APP: variants seen among roughly 807,000 people sequenced by gnomAD.
APP encodes amyloid beta precursor protein.
APP carries 31 observed loss-of-function variants against 101.4 expected under a neutral mutation model. That is an observed-to-expected ratio of 0.31 (90% CI 0.23 to 0.41). The LOEUF (loss-of-function observed/expected upper bound fraction) is 0.41. Among genes scored for constraint, APP ranks in the 10% least tolerant of loss-of-function variants. APP has a pLI of 1.00. For synonymous variants in APP, 366 were observed against 364.4 expected, an observed-to-expected ratio of 1.00 and a Z score of -0.05; for missense variants, 839 against 1,003.7, an observed-to-expected ratio of 0.84 and a Z score of 2.22.
chr21:25,999,861 G>A (rs2043211692), intron 7 of APP, among the ~76,000 whole-genome samples, 154 bp downstream of exon 7: 1 of 152,158 alleles, frequency 6.6e-6, no homozygotes, highest in African/African-American at 2.4e-5. Flanking sequence ...AACATACTGC[G>A]GAGACTCTGA....
intron 9 of APP, 56 bp from the exon 10 acceptor site, chr21:25,976,084 G>A: frequency 7.3e-7 from 1 of 1,365,288 alleles, no homozygotes; most frequent in Admixed American, 1.7e-5. Flanking sequence ...TTTGAATACA[G>A]ACTTAATAGG....
intron 17 of APP, among the ~76,000 whole-genome samples, chr21:25,887,049 C>G (rs540728708): frequency 6.6e-6 from 1 of 152,186 alleles, no homozygotes; most frequent in African/African-American, 2.4e-5. Context: ...GGCGGGGAGA[C>G]TTCTGGTGTT....
At chr21:25,914,306 C>A (rs2039227907) in intron 13 of APP, among the ~76,000 whole-genome samples, 1 of 151,924 alleles carries the variant, frequency 6.6e-6, no homozygotes, top group African/African-American at 2.4e-5. Context: ...TTACGATAGT[C>A]TCCTCACTGC....
chr21:26,100,636 T>C (rs1314735796), intron 2 of APP, among the ~76,000 whole-genome samples: 1 of 152,178 alleles, frequency 6.6e-6, no homozygotes, highest in Non-Finnish European at 1.5e-5. Flanking sequence ...GTTATGTATT[T>C]TAGAGGAGAA....
rs577786457 is a variant in APP, at chr21:26,112,166, T to C, written c.58-20A>G. On this transcript the variant is annotated intron_variant, in intron 1 of 17. Transcript: ENST00000346798. Reference sequence around the variant, plus strand: ...GGGTACCTGAAAGAAGAAGCTTCAGTTAGTTATAGTATCCATAGCTCCAAG... The same window carrying C: ...GGGTACCTGAAAGAAGAAGCTTCAGCTAGTTATAGTATCCATAGCTCCAAG... The C allele has an allele frequency of 6.2e-7, 1 of 1,612,978 alleles. No individual in the cohort carries two copies. Among genetic ancestry groups the C allele is most frequent in the East Asian group, 2.2e-5 (1 of 44,876 alleles).
intron 1 of APP, among the ~76,000 whole-genome samples, chr21:26,147,194 CT>C (rs1237615680): frequency 6.6e-6 from 1 of 152,180 alleles, no homozygotes; most frequent in Admixed American, 6.5e-5. Context: ...ATCTACTACA[CT>C]TATAAACACC....
At chr21:26,025,497 C>T (rs1482851635) in intron 5 of APP, among the ~76,000 whole-genome samples, 1 of 152,168 alleles carries the variant, frequency 6.6e-6, no homozygotes, top group African/African-American at 2.4e-5. Flanking sequence ...TGGACAGCAC[C>T]GTGTTTCCAG....
At chr21:26,023,666 GCATTCCAGC>G (rs1209467304) in intron 5 of APP, among the ~76,000 whole-genome samples, 1 of 152,272 alleles carries the variant, frequency 6.6e-6, no homozygotes, top group Non-Finnish European at 1.5e-5. Context: ...CTGCATCACT[GCATTCCAGC>G]CAGGGAGACA....
chr21:26,028,541 G>A (rs570958647), intron 5 of APP, among the ~76,000 whole-genome samples: 1 of 152,174 alleles, frequency 6.6e-6, no homozygotes, highest in South Asian at 2.1e-4. Flanking sequence ...AGTGAGGAAG[G>A]GTAAACTGCA....
chr21:26,113,643 A>C (rs2062375342), intron 1 of APP, among the ~76,000 whole-genome samples: 1 of 152,214 alleles, frequency 6.6e-6, no homozygotes, highest in African/African-American at 2.4e-5. Context: ...TCATCTGCAG[A>C]AATAGCTAGA....
At chr21:26,089,478 G>A (rs1257148397) in intron 3 of APP, 1 of 141,308 alleles carries the variant, frequency 7.1e-6, no homozygotes, top group Non-Finnish European at 1.5e-5. Context: ...CACCAAATAA[G>A]AGGAGTAGTT....
chr21:25,907,665 C>A (rs900459610), intron 14 of APP, among the ~76,000 whole-genome samples: 1 of 152,142 alleles, frequency 6.6e-6, no homozygotes, highest in Admixed American at 6.5e-5. Context: ...AATGGTCAGA[C>A]CTCTGGGATT....
chr21:26,144,508 A>G lies in APP; in HGVS notation c.57+26056T>C, dbSNP rs1181212098. 2.6e-5 allele frequency among the ~76,000 whole-genome samples: 4 copies of G among 152,190 alleles called. No individual in the cohort carries two copies. In the East Asian group the frequency reaches 7.7e-4, roughly 29 times the overall value. On this transcript the variant is annotated intron_variant, in intron 1 of 17. Coordinates refer to ENST00000346798, the MANE Select transcript of APP (RefSeq NM_000484.4). ...AATGTGGATTTTATTATAATCTCCT[A>G]CACTAAATAGTTATAAAAACATTAG...
At chr21:26,037,753 T>C (rs1256335432) in intron 5 of APP, among the ~76,000 whole-genome samples, 2 of 152,208 alleles carry the variant, frequency 1.3e-5, no homozygotes, top group African/African-American at 4.8e-5. Flanking sequence ...ACTTCTGATA[T>C]GTGTATGAGT....
chr21:26,088,430 G>A (rs1457933643), intron 3 of APP, among the ~76,000 whole-genome samples: 1 of 152,140 alleles, frequency 6.6e-6, no homozygotes, highest in Non-Finnish European at 1.5e-5. Flanking sequence ...AGCCCTACCT[G>A]TTCTCAGTGA....
intron 2 of APP, among the ~76,000 whole-genome samples, chr21:26,107,054 G>A (rs533096760): frequency 3.9e-4 from 59 of 152,174 alleles, no homozygotes; most frequent in Non-Finnish European, 7.3e-4. Context: ...GAGGGTGGCG[G>A]GGAAAGGATT....
At chr21:25,939,976 G>T (rs1002609579) in intron 13 of APP, among the ~76,000 whole-genome samples, 4 of 152,260 alleles carry the variant, frequency 2.6e-5, no homozygotes, top group South Asian at 2.1e-4. Flanking sequence ...GGCCACAGTA[G>T]AGTATAGTAT....
At chr21:26,055,017 TA>T (rs1183158285) in intron 3 of APP, among the ~76,000 whole-genome samples, 1 of 152,154 alleles carries the variant, frequency 6.6e-6, no homozygotes, top group Non-Finnish European at 1.5e-5. Flanking sequence ...ACTATTTAGA[TA>T]AAAATCTAAG....
chr21:26,000,296 T>TCTACCAGCATC, intron 6 of APP, 114 bp from the exon 7 acceptor site: 1 of 1,311,076 alleles, frequency 7.6e-7, no homozygotes, highest in Admixed American at 1.9e-5. Context: ...GACTGGTTTA[T>TCTACCAGCATC]TAGGCAGCAT....
Sources: gnomAD v4.1 joint callset for allele counts (sites outside exome capture counted in the v4.1 genomes callset) on GRCh38, gnomAD v4.1.1 for gene constraint, MANE v1.5 for transcripts, NCBI Gene and HGNC (gene_info 2026-07-23, HGNC 2026-07-21) for gene names.